Variants in INTS6L observed in about 807,000 individuals in gnomAD.
INTS6L encodes integrator complex subunit 6 like.
A neutral mutation model predicts 64.7 loss-of-function variants in INTS6L; 18 were observed. That is an observed-to-expected ratio of 0.28 (90% confidence interval 0.19 to 0.41). The LOEUF (loss-of-function observed/expected upper bound fraction) is 0.41, where lower values mean the gene tolerates loss of function less well. Ranked by LOEUF, INTS6L falls within the 10% of genes least tolerant of loss-of-function variation. The probability of loss-of-function intolerance (pLI) is 1.00; values close to 1 mark genes in which losing one functional copy is unlikely to be tolerated. For missense variants in INTS6L, 533 were observed against 661.0 expected, an observed-to-expected ratio of 0.81 and a Z score of 2.12; for synonymous variants, 227 against 235.9, an observed-to-expected ratio of 0.96 and a Z score of 0.34.
intron 7 of INTS6L, 78 bp from the exon 8 acceptor site, chrX:135,551,916 C>A: frequency 1.1e-6 from 1 of 916,247 alleles, no homozygotes; most frequent in Non-Finnish European, 1.4e-6. Flanking sequence ...TATAAAACGA[C>A]TTGCAGAATT....
chrX:135,573,022 C>T lies in INTS6L; in HGVS notation c.1606C>T (p.Leu536Phe), dbSNP rs1556528693. 8.3e-7 allele frequency: 1 copy of T among 1,202,023 alleles called. No homozygotes were observed. The highest frequency in any genetic ancestry group is 2.2e-5 in the Admixed American group (1 of 45,405). ...TKEFAGFQIG[L>F]LNKDLKPQTY... Reference sequence around the variant, plus strand: ...AGAATTTGCTGGCTTCCAAATTGGGCTCTTAAACAAGGTAAATTGTGACAT... The same window carrying T: ...AGAATTTGCTGGCTTCCAAATTGGGTTCTTAAACAAGGTAAATTGTGACAT... Residue 536 changes from leucine to phenylalanine, a missense_variant, in exon 12 of 18, where the codon CTC becomes TTC. Leu to Phe is a conservative substitution (Grantham distance 22). Transcript: ENST00000639893.
intron 2 of INTS6L, among the ~76,000 whole-genome samples, chrX:135,521,802 C>T (rs1474477919): frequency 7.4e-5 from 8 of 108,738 alleles, no homozygotes; most frequent in African/African-American, 2.7e-4. Flanking sequence ...GAGGTCCTGC[C>T]GGCCGGGCGC....
At chrX:135,577,549 C>T (rs1337692546) in intron 15 of INTS6L, 122 bp downstream of exon 15, 1 of 679,061 alleles carries the variant, frequency 1.5e-6, no homozygotes, top group Non-Finnish European at 2.2e-6. Context: ...TAAGCCATTA[C>T]TAAATCATCT....
intron 9 of INTS6L, among the ~76,000 whole-genome samples, chrX:135,566,956 T>C (rs1292742835): frequency 8.9e-6 from 1 of 112,164 alleles, no homozygotes; most frequent in African/African-American, 3.2e-5. Flanking sequence ...AGAAGCAGGA[T>C]ACTTTGATGT....
At chrX:135,568,010 A>T (rs1374369184) in intron 9 of INTS6L, among the ~76,000 whole-genome samples, 1 of 111,189 alleles carries the variant, frequency 9.0e-6, no homozygotes, top group Non-Finnish European at 1.9e-5. Context: ...TAAGTAAAGC[A>T]TTTTTTTTAA....
intron 9 of INTS6L, among the ~76,000 whole-genome samples, chrX:135,558,476 A>G (rs1233179476): frequency 1.8e-5 from 2 of 112,187 alleles, no homozygotes; most frequent in South Asian, 3.7e-4. Flanking sequence ...AAATTTTGTG[A>G]CATGCTACAA....
chrX:135,559,983 GA>G (rs1556521213), intron 9 of INTS6L, among the ~76,000 whole-genome samples: 1 of 112,067 alleles, frequency 8.9e-6, no homozygotes, highest in African/African-American at 3.2e-5. Flanking sequence ...ATTTTAATTA[GA>G]TTGTTTGCTT....
At chrX:135,559,639 C>G (rs782126214) in intron 9 of INTS6L, among the ~76,000 whole-genome samples, 1 of 112,428 alleles carries the variant, frequency 8.9e-6, no homozygotes, top group Non-Finnish European at 1.9e-5. Context: ...GTCTTCACTT[C>G]TATGAGATAA....
At chrX:135,533,100 CAAAAAA>C (rs200261784) in intron 2 of INTS6L, among the ~76,000 whole-genome samples, 1 of 106,968 alleles carries the variant, frequency 9.3e-6, no homozygotes, top group Non-Finnish European at 1.9e-5. Context: ...AAAACAAAAA[CAAAAAA>C]ACAACTTTTA....
In INTS6L at chrX:135,521,258, G is replaced by C. The variant is rs782101491; in HGVS notation, c.129G>C (p.Pro43=). 8.3e-7 allele frequency: 1 copy of C among 1,208,140 alleles called. No individual in the cohort carries two copies. The highest frequency in any genetic ancestry group is 1.8e-5 in the South Asian group (1 of 56,361). ...ELFLKLRARD[P]ASRGDRYMLV... is the part of the protein sequence containing the mutation. The stretch of plus-strand genomic sequence containing the variant: ...CCCCGCAGCTGCGCGCCCGGGACCC[G>C]GCCAGCCGTGGAGACAGGTACATGC... The change falls in exon 2 of 18, where the codon CCG becomes CCC. Residue 43 remains proline, a synonymous_variant. Coordinates refer to ENST00000639893, the MANE Select transcript of INTS6L (RefSeq NM_001351601.3).
intron 2 of INTS6L, among the ~76,000 whole-genome samples, chrX:135,539,228 A>G (rs193058005): frequency 8.9e-6 from 1 of 112,511 alleles, no homozygotes; most frequent in East Asian, 2.8e-4. Flanking sequence ...AGTGTAGCCA[A>G]TCTCATCAGT....
chrX:135,523,402 C>A (rs375730201), intron 2 of INTS6L, among the ~76,000 whole-genome samples: 116 of 36,885 alleles, frequency 3.1e-3, no homozygotes, highest in Admixed American at 5.5e-3. Flanking sequence ...ACTCTGTCGT[C>A]AAAAAAAAAA....
chrX:135,563,682 G>T (rs2086858265), intron 9 of INTS6L, among the ~76,000 whole-genome samples: 2 of 90,175 alleles, frequency 2.2e-5, no homozygotes, highest in East Asian at 3.5e-4. Flanking sequence ...TATATATATA[G>T]CTAGGTATAG....
intron 12 of INTS6L, among the ~76,000 whole-genome samples, chrX:135,573,362 G>A: frequency 8.9e-6 from 1 of 112,579 alleles, no homozygotes; most frequent in Non-Finnish European, 1.9e-5. Context: ...GGTGTAGCTT[G>A]GAGAAAGTCT....
intron 2 of INTS6L, among the ~76,000 whole-genome samples, chrX:135,531,492 T>A (rs2085908828): frequency 8.9e-6 from 1 of 112,161 alleles, no homozygotes; most frequent in Non-Finnish European, 1.9e-5. Context: ...TCTTTTTGCC[T>A]TCCATCTTCT....
chrX:135,524,932 A>T (rs2085690801), intron 2 of INTS6L, among the ~76,000 whole-genome samples: 1 of 112,547 alleles, frequency 8.9e-6, no homozygotes, highest in Non-Finnish European at 1.9e-5. Flanking sequence ...CATGTGCTAC[A>T]TCTGTTATGT....
intron 2 of INTS6L, 49 bp downstream of exon 2, chrX:135,521,367 G>T: frequency 8.8e-7 from 1 of 1,139,960 alleles, no homozygotes; most frequent in Non-Finnish European, 1.2e-6. Context: ...GAGCAAGTCG[G>T]CGGGGGCTGC....
chrX:135,577,271 C>G lies in INTS6L; in HGVS notation c.1963C>G (p.Pro655Ala). 5 of 1,211,492 alleles carry G rather than the reference C, an allele frequency of 4.1e-6. No homozygotes were observed. The highest frequency in any genetic ancestry group is 3.5e-5 in the African/African-American group (2 of 57,645). ...GAAACGTCCAGGGGAACCCAACAGT[C>G]CTATGTCATCTAAGAGAAGGCGGAG... is the stretch of plus-strand genomic sequence containing the variant. ...KVKRPGEPNS[P>A]MSSKRRRSMS... Residue 655 changes from proline (P) to alanine (A), a missense_variant, in exon 15 of 18, where the codon CCT (proline) becomes GCT (alanine). Coordinates refer to ENST00000639893, the MANE Select transcript of INTS6L (RefSeq NM_001351601.3).
At chrX:135,539,362 T>C (rs1327978573) in intron 2 of INTS6L, among the ~76,000 whole-genome samples, 1 of 112,071 alleles carries the variant, frequency 8.9e-6, no homozygotes, top group Non-Finnish European at 1.9e-5. Flanking sequence ...CTTCTGCAGC[T>C]TCCTCACCTC....
Sources: allele counts gnomAD v4.1 joint callset (sites outside exome capture counted in the v4.1 genomes callset), GRCh38; gene constraint gnomAD v4.1.1; transcripts MANE v1.5; gene names NCBI Gene and HGNC (gene_info 2026-07-23, HGNC 2026-07-21).